DERA: variants seen among roughly 807,000 people sequenced by gnomAD.
The protein encoded by DERA is 2-deoxy-D-ribose 5-phosphate aldolase.
A neutral mutation model predicts 41.1 loss-of-function variants in DERA; 15 were observed. The ratio of observed to expected loss-of-function variants is 0.37; its 90% confidence interval spans 0.24 to 0.56. The LOEUF (loss-of-function observed/expected upper bound fraction) is 0.56. Ranked by LOEUF, DERA falls within the 20% of genes least tolerant of loss-of-function variation. The probability of loss-of-function intolerance (pLI) is 0.81; values close to 1 mark genes in which losing one functional copy is unlikely to be tolerated. For missense variants in DERA, 396 were observed against 403.4 expected (o/e 0.98, Z 0.16); for synonymous variants, 139 against 137.4 (o/e 1.01, Z -0.08).
chr12:15,937,280 A>G (rs1301169594), intron 1 of DERA, among the ~76,000 whole-genome samples: 2 of 152,228 alleles, frequency 1.3e-5, no homozygotes, highest in Non-Finnish European at 1.5e-5. Context: ...TTTGGAAGTT[A>G]TATCTAAAAC....
rs1948166829 is a variant in DERA, at chr12:15,911,907, A to G, written c.31+493A>G. Reference sequence around the variant, plus strand: ...GTCTGTGCTCAAAATGTAACACTGCAGATTCATGGGATTTTAGAGTTACAA... The same window carrying G: ...GTCTGTGCTCAAAATGTAACACTGCGGATTCATGGGATTTTAGAGTTACAA... On this transcript the variant is annotated intron_variant, in intron 1 of 8. Coordinates refer to ENST00000428559, the MANE Select transcript of DERA (RefSeq NM_015954.4). The surrounding 1 kb of genome is among the most constrained non-coding windows in gnomAD (Gnocchi z 4.5). 6.6e-6 allele frequency among the ~76,000 whole-genome samples: 1 copy of G among 152,194 alleles called. No individual in the cohort carries two copies. The highest frequency in any genetic ancestry group is 1.5e-5 in the Non-Finnish European group (1 of 68,034).
At chr12:15,946,091 G>C (rs527748398) in intron 1 of DERA, among the ~76,000 whole-genome samples, 37 of 152,242 alleles carry the variant, frequency 2.4e-4, no homozygotes, top group African/African-American at 7.0e-4. Context: ...CTTGATCATG[G>C]TGGATAAGCT....
intron 4 of DERA, among the ~76,000 whole-genome samples, chr12:15,960,257 A>G (rs1948574803): frequency 6.7e-6 from 1 of 150,106 alleles, no homozygotes; most frequent in Admixed American, 6.7e-5. Context: ...ATGTATATAT[A>G]CATATTAACT....
intron 4 of DERA, among the ~76,000 whole-genome samples, chr12:15,962,122 G>A (rs957583054): frequency 6.6e-6 from 1 of 152,158 alleles, no homozygotes. Context: ...GCATGTAAAA[G>A]ATGTTACTAT....
rs1275604672 is a variant in DERA, at chr12:15,981,178, C to T, written c.509-1130C>T. On this transcript the variant is annotated intron_variant, in intron 5 of 8. Transcript: ENST00000428559. The surrounding 1 kb of genome is among the most constrained non-coding windows in gnomAD (Gnocchi z 6.1). ...CCTGGTTAACACGGTGAAACCCCGTCTCTACTAAAACTACAAAAAGTTACC... is the reference window on the plus strand; with the variant it reads ...CCTGGTTAACACGGTGAAACCCCGTTTCTACTAAAACTACAAAAAGTTACC... 6.6e-5 allele frequency among the ~76,000 whole-genome samples: 10 copies of T among 152,232 alleles called. No homozygotes were observed. In the East Asian group the frequency reaches 1.9e-3, roughly 30 times the overall value.
intron 1 of DERA, among the ~76,000 whole-genome samples, chr12:15,952,111 G>C (rs373031460): frequency 3.3e-5 from 5 of 152,160 alleles, no homozygotes; most frequent in Non-Finnish European, 7.4e-5. Context: ...ATATTGACCA[G>C]GCTGGTCTCG....
At chr12:16,024,381 A>G (rs1949039571) in intron 6 of DERA, among the ~76,000 whole-genome samples, 1 of 152,180 alleles carries the variant, frequency 6.6e-6, no homozygotes, top group African/African-American at 2.4e-5. Flanking sequence ...ACCAAAGACA[A>G]ATAGAAAATC....
intron 1 of DERA, among the ~76,000 whole-genome samples, chr12:15,932,826 C>A (rs1948338939): frequency 1.3e-5 from 2 of 151,928 alleles, no homozygotes. Context: ...ATTTTTGTAC[C>A]CTTTGACCAA....
rs552659125 is a variant in DERA at position 15,967,218 on chromosome 12, G to A, written c.508+4271G>A. On this transcript the variant is annotated intron_variant, in intron 5 of 8. Transcript: ENST00000428559. The surrounding 1 kb of genome is among the most constrained non-coding windows in gnomAD (Gnocchi z 4.9). ...AAAAAAAAATGCAAAAATTAGCCTG[G>A]TGTTGTGGTATGCGCCTGTAGTCCC... Among the ~76,000 whole-genome samples the A allele has an allele frequency of 3.9e-5, 6 of 152,124 alleles. No individual in the cohort carries two copies. The East Asian group carries it at 5.8e-4, about 15-fold the overall frequency.
intron 1 of DERA, chr12:15,916,227 C>G (rs1182722493): frequency 1.3e-5 from 2 of 152,158 alleles, no homozygotes; most frequent in East Asian, 3.9e-4. Context: ...GATGGCATGT[C>G]AAAACCAGAC....
chr12:15,916,770 ATTC>A (rs905612292), intron 1 of DERA, among the ~76,000 whole-genome samples: 4 of 152,040 alleles, frequency 2.6e-5, no homozygotes, highest in Non-Finnish European at 4.4e-5. Flanking sequence ...TTCTTGATGT[ATTC>A]TTTTAAAAAA....
intron 6 of DERA, among the ~76,000 whole-genome samples, chr12:15,997,610 AC>A (rs1948847448): frequency 6.6e-6 from 1 of 152,214 alleles, no homozygotes; most frequent in South Asian, 2.1e-4. Context: ...GAATGAGGAA[AC>A]TACATATCTA....
chr12:15,971,961 A>G (rs1948663767), intron 5 of DERA: 2 of 268,728 alleles, frequency 7.4e-6, no homozygotes, highest in South Asian at 8.4e-5. Context: ...TCCTTTCTTC[A>G]TTATCAAAGT....
intron 6 of DERA, among the ~76,000 whole-genome samples, chr12:16,015,769 G>A (rs962201663): frequency 1.3e-4 from 20 of 152,216 alleles, no homozygotes; most frequent in Admixed American, 1.3e-3. Flanking sequence ...CAGAGAAGAT[G>A]AGGAACAACT....
At chr12:15,926,592 C>T (rs533042601) in intron 1 of DERA, among the ~76,000 whole-genome samples, 24 of 151,954 alleles carry the variant, frequency 1.6e-4, no homozygotes, top group Admixed American at 1.4e-3. Flanking sequence ...AAAAATTAGC[C>T]GGGCGTGGTG....
chr12:15,986,428 C>A (rs1295038247), intron 6 of DERA, among the ~76,000 whole-genome samples: 1 of 152,120 alleles, frequency 6.6e-6, no homozygotes, highest in Non-Finnish European at 1.5e-5. Flanking sequence ...CTTTTGGGTT[C>A]ATTAGCTATC....
chr12:16,023,138 A>G (rs1195951926), intron 6 of DERA, among the ~76,000 whole-genome samples: 3 of 152,172 alleles, frequency 2.0e-5, no homozygotes, highest in African/African-American at 7.2e-5. Context: ...ATTTAATACT[A>G]AGGCTATAGA....
At position 16,036,222 on chromosome 12, in the gene DERA, T is replaced by A; in HGVS notation, c.751-10T>A. 6.3e-7 allele frequency: 1 copy of A among 1,591,084 alleles called. No individual in the cohort carries two copies. Among genetic ancestry groups the A allele is most frequent in the Non-Finnish European group, 8.5e-7 (1 of 1,170,722 alleles). On this transcript the variant is annotated splice_polypyrimidine_tract_variant and intron_variant, in intron 7 of 8. Coordinates refer to ENST00000428559, the MANE Select transcript of DERA (RefSeq NM_015954.4). This position sits in a 1 kb window ranked among gnomAD's most constrained non-coding sequence, Gnocchi z 4.9. ...ATAAAGATTGTTCTATTCTCTGCCT[T>A]CCCATTTAGATAGGGTTTAAACCAG... is the stretch of plus-strand genomic sequence containing the variant.
rs78036960 is a variant in DERA, at chr12:15,991,500, C to G, written c.637+9064C>G. 1.6e-3 allele frequency among the ~76,000 whole-genome samples: 240 copies of G among 152,246 alleles called. 4 individuals are homozygous for G. In the East Asian group the frequency reaches 0.019, roughly 12 times the overall value. ...TTGGATGCCATAGCAGCAACATCAGCTCTTCAGACATGTATCCAAATAAAA... is the reference window on the plus strand; with the variant it reads ...TTGGATGCCATAGCAGCAACATCAGGTCTTCAGACATGTATCCAAATAAAA... On this transcript the variant is annotated intron_variant, in intron 6 of 8. Transcript: ENST00000428559.
Sources: gnomAD v4.1 joint callset for allele counts (sites outside exome capture counted in the v4.1 genomes callset) on GRCh38, gnomAD v4.1.1 for gene constraint, Gnocchi (gnomAD v3.1) non-coding constraint, MANE v1.5 for transcripts, NCBI Gene and HGNC (gene_info 2026-07-23, HGNC 2026-07-21) for gene names.